The following SBF2 variants were observed in gnomAD, a reference collection of about 807,000 sequenced individuals.
The protein encoded by SBF2 is myotubularin-related protein 13.
Under a neutral mutation model 225.2 loss-of-function variants are expected in SBF2, and 112 were observed. The ratio of observed to expected loss-of-function variants is 0.50; its 90% CI spans 0.43 to 0.58. The LOEUF (loss-of-function observed/expected upper bound fraction) is 0.58. SBF2 is among the 20% of genes least tolerant of loss of function. The probability of loss-of-function intolerance (pLI) is 0.00; values close to 1 mark genes in which losing one functional copy is unlikely to be tolerated. For missense variants in SBF2, 1,996 were observed against 2,206.2 expected (o/e 0.90, Z 1.91); for synonymous variants, 763 against 773.3 (o/e 0.99, Z 0.22).
chr11:10,269,955 T>A (rs935538203), intron 1 of SBF2, among the ~76,000 whole-genome samples: 3 of 152,170 alleles, frequency 2.0e-5, no homozygotes, highest in Admixed American at 2.0e-4. Flanking sequence ...TTTCTACTAC[T>A]AAAATTTACT....
intron 2 of SBF2, among the ~76,000 whole-genome samples, chr11:10,131,260 C>G (rs1041163551): frequency 6.7e-6 from 1 of 149,894 alleles, no homozygotes; most frequent in Non-Finnish European, 1.5e-5. Context: ...GGGTCTGGCT[C>G]TGTTGCCCAG....
At chr11:9,867,879 G>A (rs1046123608) in intron 17 of SBF2, among the ~76,000 whole-genome samples, 1 of 152,238 alleles carries the variant, frequency 6.6e-6, no homozygotes, top group African/African-American at 2.4e-5. Context: ...TGGGAAGGGG[G>A]AATAAACAGA....
intron 38 of SBF2, among the ~76,000 whole-genome samples, chr11:9,783,337 T>C (rs1389948404): frequency 6.6e-6 from 1 of 152,236 alleles, no homozygotes; most frequent in Non-Finnish European, 1.5e-5. Context: ...GAGGAAAAGC[T>C]GGACTCCAAA....
chr11:10,043,858 G>A (rs958830309), intron 2 of SBF2, among the ~76,000 whole-genome samples: 2 of 152,166 alleles, frequency 1.3e-5, no homozygotes, highest in African/African-American at 4.8e-5. Flanking sequence ...ATAGGCATAA[G>A]CTACTGCACC....
intron 2 of SBF2, among the ~76,000 whole-genome samples, chr11:10,107,526 G>T (rs1047110712): frequency 2.0e-5 from 3 of 152,106 alleles, no homozygotes; most frequent in African/African-American, 7.2e-5. Flanking sequence ...AAACAACATA[G>T]ATTTATTCTG....
chr11:9,975,717 G>A (rs1946650593), intron 13 of SBF2, among the ~76,000 whole-genome samples: 1 of 152,080 alleles, frequency 6.6e-6, no homozygotes, highest in South Asian at 2.1e-4. Context: ...TATGCTTTGC[G>A]GGCAGGGCTT....
intron 2 of SBF2, among the ~76,000 whole-genome samples, chr11:10,095,510 C>A (rs567791192): frequency 1.3e-5 from 2 of 151,070 alleles, no homozygotes; most frequent in Non-Finnish European, 1.5e-5. Context: ...ACATTTCTTC[C>A]CCAAATAAAA....
At chr11:10,165,046 G>A (rs1955894635) in intron 2 of SBF2, 1 of 152,190 alleles carries the variant, frequency 6.6e-6, no homozygotes. Context: ...GATGTGAAAG[G>A]TGCTGTCTTC....
intron 17 of SBF2, among the ~76,000 whole-genome samples, chr11:9,868,337 CAAAAAAAAAA>C (rs35348349): frequency 2.3e-4 from 6 of 26,372 alleles, no homozygotes; most frequent in African/African-American, 9.0e-4. Context: ...TACAAAAATA[CAAAAAAAAAA>C]AAAAAAAAAA....
intron 2 of SBF2, among the ~76,000 whole-genome samples, chr11:10,132,173 T>C (rs1178714758): frequency 2.0e-5 from 3 of 152,210 alleles, no homozygotes; most frequent in Admixed American, 6.5e-5. Flanking sequence ...GTGGCTGTAA[T>C]TGGATAGGCT....
intron 2 of SBF2, among the ~76,000 whole-genome samples, chr11:10,070,509 T>C (rs1371123027): frequency 6.6e-6 from 1 of 152,206 alleles, no homozygotes; most frequent in African/African-American, 2.4e-5. Flanking sequence ...TTCTGTTCCA[T>C]TGGTGTATAT....
At chr11:9,912,694 T>C (rs186765984) in intron 16 of SBF2, among the ~76,000 whole-genome samples, 1 of 152,362 alleles carries the variant, frequency 6.6e-6, no homozygotes, top group Admixed American at 6.5e-5. Context: ...AGATTGGACA[T>C]TCCTGGTACC....
intron 2 of SBF2, among the ~76,000 whole-genome samples, chr11:10,162,668 G>A (rs962968636): frequency 7.2e-5 from 11 of 152,120 alleles, no homozygotes; most frequent in African/African-American, 9.7e-5. Flanking sequence ...GTCACCCTCC[G>A]TATTCTAGCA....
intron 3 of SBF2, among the ~76,000 whole-genome samples, chr11:10,033,496 A>C (rs1484054679): frequency 6.6e-6 from 1 of 152,152 alleles, no homozygotes; most frequent in Non-Finnish European, 1.5e-5. Flanking sequence ...ATTTTAATTT[A>C]TATCACTTTT....
At position 9,789,214 on chromosome 11, in the gene SBF2, A is replaced by G. The variant is rs1204464820; in HGVS notation, c.4827T>C (p.Ser1609=). ...GTGGCCCAGCTTCTCCAGCCAGGTCAGAGTCTTCGGAGGGGAAGTGCTTGG... is the reference window on the plus strand; with the variant it reads ...GTGGCCCAGCTTCTCCAGCCAGGTCGGAGTCTTCGGAGGGGAAGTGCTTGG... ...LTPKHFPSED[S]DLAGEAGPRS... is the part of the protein sequence containing the mutation. Residue 1609 remains serine (S), a synonymous_variant, in exon 35 of 40, where the codon TCT becomes TCC. Coordinates refer to ENST00000256190, the MANE Select transcript of SBF2 (RefSeq NM_030962.4). 1.2e-6 allele frequency: 2 copies of G among 1,614,092 alleles called. No individual in the cohort carries two copies. Among genetic ancestry groups the G allele is most frequent in the African/African-American group, 2.7e-5 (2 of 74,946 alleles).
At chr11:9,844,712 T>A in intron 24 of SBF2, among the ~76,000 whole-genome samples, 1 of 152,110 alleles carries the variant, frequency 6.6e-6, no homozygotes, top group East Asian at 1.9e-4. Flanking sequence ...AATTAAATTT[T>A]CTGGCTTTGA....
intron 16 of SBF2, among the ~76,000 whole-genome samples, chr11:9,940,951 T>G (rs540693865): frequency 3.9e-5 from 6 of 152,304 alleles, no homozygotes; most frequent in African/African-American, 1.4e-4. Flanking sequence ...GACATGTTCT[T>G]AGGAAATAAT....
chr11:10,019,237 G>A (rs1399020834), intron 6 of SBF2, among the ~76,000 whole-genome samples: 4 of 152,084 alleles, frequency 2.6e-5, no homozygotes, highest in Non-Finnish European at 5.9e-5. Flanking sequence ...CTTTCTTATA[G>A]ACTCCCATGC....
At chr11:9,970,363 G>T (rs192179924) in intron 13 of SBF2, among the ~76,000 whole-genome samples, 150 of 151,998 alleles carry the variant, frequency 9.9e-4, no homozygotes, top group Non-Finnish European at 1.6e-3. Context: ...CCACCACCAC[G>T]CCCGGCTAAT....
Sources: gnomAD v4.1 joint callset for allele counts (sites outside exome capture counted in the v4.1 genomes callset) on GRCh38, gnomAD v4.1.1 for gene constraint, MANE v1.5 for transcripts, NCBI Gene and HGNC (gene_info 2026-07-23, HGNC 2026-07-21) for gene names.